The following DPP10 variants were observed in gnomAD, a reference collection of about 807,000 sequenced individuals.
The protein encoded by DPP10 is inactive dipeptidyl peptidase 10.
A neutral mutation model predicts 120.9 loss-of-function variants in DPP10; 33 were observed. That is an observed-to-expected ratio of 0.27 (90% CI 0.21 to 0.37). The LOEUF (loss-of-function observed/expected upper bound fraction) is 0.37. Ranked by LOEUF, DPP10 falls within the 10% of genes least tolerant of loss-of-function variation. The pLI is 1.00. For missense variants in DPP10, 816 were observed against 942.8 expected, an observed-to-expected ratio of 0.87 and a Z score of 1.76; for synonymous variants, 337 against 326.1, an observed-to-expected ratio of 1.03 and a Z score of -0.36.
chr2:114,619,266 A>G (rs1020436104), intron 1 of DPP10, among the ~76,000 whole-genome samples: 6 of 152,198 alleles, frequency 3.9e-5, no homozygotes, highest in Middle Eastern at 3.4e-3. Flanking sequence ...GTGGCAGTTT[A>G]GAAACAGTTG....
At chr2:114,623,028 G>A (rs1694217610) in intron 1 of DPP10, among the ~76,000 whole-genome samples, 6 of 152,164 alleles carry the variant, frequency 3.9e-5, no homozygotes, top group South Asian at 2.1e-4. Context: ...AAAATGACAC[G>A]TTTTAAATGA....
At chr2:114,837,282 A>G (rs575938928) in intron 1 of DPP10, among the ~76,000 whole-genome samples, 3 of 152,304 alleles carry the variant, frequency 2.0e-5, no homozygotes, top group Non-Finnish European at 4.4e-5. Flanking sequence ...ATAAATGTAC[A>G]TGAAATCTTC....
chr2:115,304,690 TA>T (rs1166306389), intron 1 of DPP10, among the ~76,000 whole-genome samples: 1 of 152,046 alleles, frequency 6.6e-6, no homozygotes, highest in Non-Finnish European at 1.5e-5. Flanking sequence ...TACTATTTCT[TA>T]AAAAAACAAA....
intron 1 of DPP10, among the ~76,000 whole-genome samples, chr2:115,119,059 T>C (rs1323812658): frequency 6.6e-6 from 1 of 152,132 alleles, no homozygotes; most frequent in Non-Finnish European, 1.5e-5. Flanking sequence ...TGAGGTTTCA[T>C]ACATTGGCAT....
intron 1 of DPP10, among the ~76,000 whole-genome samples, chr2:115,011,483 T>C (rs1702260091): frequency 6.6e-6 from 1 of 152,240 alleles, no homozygotes; most frequent in South Asian, 2.1e-4. Flanking sequence ...ATCCTTCTGA[T>C]AAATTGACCC....
intron 1 of DPP10, among the ~76,000 whole-genome samples, chr2:115,252,026 A>G (rs1169957743): frequency 3.3e-5 from 5 of 152,174 alleles, no homozygotes; most frequent in Admixed American, 6.5e-5. Context: ...TCAGTTTTGT[A>G]TTCTATCACA....
rs2049636812 is a variant in DPP10 at position 115,118,343 on chromosome 2, TG to T, written c.61-190894del. Reference sequence around the variant, plus strand: ...ATCACTATCGACCACCAAATAAGTGTGGAAGTTAACAGTGCCAGCTTTCAAG... The same window carrying T: ...ATCACTATCGACCACCAAATAAGTGTGAAGTTAACAGTGCCAGCTTTCAAG... On this transcript the variant is annotated intron_variant, in intron 1 of 25. Transcript: ENST00000410059. 2.6e-5 allele frequency among the ~76,000 whole-genome samples: 4 copies of T among 152,200 alleles called. No individual in the cohort carries two copies. The South Asian group carries it at 8.3e-4, about 31-fold the overall frequency.
At chr2:115,842,089 A>T in intron 25 of DPP10, 122 bp from the exon 26 acceptor site, 1 of 903,182 alleles carries the variant, frequency 1.1e-6, no homozygotes, top group Non-Finnish European at 1.6e-6. Context: ...GAGTAGAATT[A>T]GGTTTGATTT....
chr2:115,388,162 A>C (rs952938756), intron 3 of DPP10, among the ~76,000 whole-genome samples: 1 of 152,238 alleles, frequency 6.6e-6, no homozygotes, highest in Non-Finnish European at 1.5e-5. Flanking sequence ...GTGGGAATGC[A>C]TGTAGTCTAC....
intron 5 of DPP10, among the ~76,000 whole-genome samples, chr2:115,633,447 G>A (rs2086060789): frequency 6.6e-6 from 1 of 152,074 alleles, no homozygotes; most frequent in Middle Eastern, 3.2e-3. Context: ...GGGGGTAAGG[G>A]GGAAGGATAG....
intron 7 of DPP10, among the ~76,000 whole-genome samples, chr2:115,715,339 C>CA (rs546857779): frequency 0.53 from 36,168 of 68,102 alleles, 9,346 homozygotes; most frequent in East Asian, 0.73. Context: ...AACTCCGTCT[C>CA]AAAAAAAAAA....
At chr2:115,577,449 A>G (rs1015371123) in intron 5 of DPP10, among the ~76,000 whole-genome samples, 1 of 152,228 alleles carries the variant, frequency 6.6e-6, no homozygotes, top group Non-Finnish European at 1.5e-5. Flanking sequence ...CCTCTCTCAG[A>G]GTAAGCACTT....
chr2:114,631,067 CAG>C (rs1694886717), intron 1 of DPP10, among the ~76,000 whole-genome samples: 1 of 152,048 alleles, frequency 6.6e-6, no homozygotes, highest in African/African-American at 2.4e-5. Context: ...CTTAAATGCC[CAG>C]AGTTTATCAG....
intron 1 of DPP10, among the ~76,000 whole-genome samples, chr2:115,164,393 A>G (rs1227371787): frequency 1.3e-5 from 2 of 151,796 alleles, no homozygotes; most frequent in Non-Finnish European, 2.9e-5. Context: ...GCAATACTAG[A>G]TATAATATAG....
intron 1 of DPP10, among the ~76,000 whole-genome samples, chr2:115,073,281 T>C (rs996338997): frequency 1.3e-5 from 2 of 152,244 alleles, no homozygotes; most frequent in African/African-American, 4.8e-5. Flanking sequence ...CAGAACACCC[T>C]GTAGAGCTTT....
intron 1 of DPP10, among the ~76,000 whole-genome samples, chr2:114,849,454 A>G (rs892447581): frequency 1.3e-5 from 2 of 151,998 alleles, no homozygotes; most frequent in Admixed American, 1.3e-4. Flanking sequence ...GGCTCAAATG[A>G]TCCTCCTGCT....
At chr2:114,775,558 C>T (rs1024365694) in intron 1 of DPP10, among the ~76,000 whole-genome samples, 7 of 152,128 alleles carry the variant, frequency 4.6e-5, no homozygotes, top group Non-Finnish European at 1.0e-4. Context: ...ATAAACTGGG[C>T]TTAAACTAGG....
intron 1 of DPP10, among the ~76,000 whole-genome samples, chr2:114,661,159 A>T (rs547851958): frequency 1.1e-4 from 16 of 152,320 alleles, no homozygotes; most frequent in Middle Eastern, 3.4e-3. Context: ...ATTAAAAAAA[A>T]ATCTTTCAGT....
chr2:114,989,617 G>T (rs369132730), intron 1 of DPP10, among the ~76,000 whole-genome samples: 31 of 152,292 alleles, frequency 2.0e-4, no homozygotes, highest in African/African-American at 6.0e-4. Context: ...GAGGTATAGA[G>T]AATCTATTTT....
Sources: allele counts gnomAD v4.1 joint callset (sites outside exome capture counted in the v4.1 genomes callset), GRCh38; gene constraint gnomAD v4.1.1; transcripts MANE v1.5; gene names NCBI Gene and HGNC (gene_info 2026-07-23, HGNC 2026-07-21).